RPRD1B: variants seen among roughly 807,000 people sequenced by gnomAD.
The protein encoded by RPRD1B is regulation of nuclear pre-mRNA domain-containing protein 1B.
Under a neutral mutation model 41.5 loss-of-function variants are expected in RPRD1B, and 11 were observed. The ratio of observed to expected loss-of-function variants is 0.27; its 90% CI spans 0.17 to 0.44. The LOEUF (loss-of-function observed/expected upper bound fraction) is 0.44, where lower values mean the gene tolerates loss of function less well. Among genes scored for constraint, RPRD1B ranks in the 20% least tolerant of loss-of-function variants. The pLI, the probability that RPRD1B is intolerant of heterozygous loss-of-function variation, is 1.00. For missense variants in RPRD1B, 248 were observed against 389.9 expected, an observed-to-expected ratio of 0.64 and a Z score of 3.06; for synonymous variants, 158 against 155.6, an observed-to-expected ratio of 1.02 and a Z score of -0.12.
chr20:38,050,761 A>T (rs1206619029), intron 3 of RPRD1B, among the ~76,000 whole-genome samples: 1 of 152,202 alleles, frequency 6.6e-6, no homozygotes, highest in Non-Finnish European at 1.5e-5. Flanking sequence ...CATTAACAAT[A>T]ATAGAGGCAG....
intron 3 of RPRD1B, among the ~76,000 whole-genome samples, chr20:38,052,671 G>A (rs540574304): frequency 6.6e-6 from 1 of 151,744 alleles, no homozygotes; most frequent in African/African-American, 2.4e-5. Context: ...GAAGCAGTGG[G>A]AGTAGAGAAG....
intron 6 of RPRD1B, among the ~76,000 whole-genome samples, chr20:38,073,020 T>C (rs551822688): frequency 5.3e-5 from 8 of 152,360 alleles, no homozygotes; most frequent in Non-Finnish European, 1.2e-4. Context: ...GAGAGGTAGC[T>C]GCAGACCAGC....
intron 4 of RPRD1B, among the ~76,000 whole-genome samples, 170 bp downstream of exon 4, chr20:38,057,814 C>G (rs1027313141): frequency 2.6e-5 from 4 of 152,184 alleles, no homozygotes; most frequent in African/African-American, 7.2e-5. Flanking sequence ...TGGCAGGTGT[C>G]AGTATGTCTT....
At position 38,090,922 on chromosome 20, in the gene RPRD1B, T is replaced by TC; in HGVS notation, c.*1051dup. 2.0e-6 allele frequency: 2 copies of TC among 985,434 alleles called. No homozygotes were observed. The highest frequency in any genetic ancestry group is 2.4e-6 in the Non-Finnish European group (2 of 829,936). 61.0% of individuals were successfully genotyped at this position (985,434 alleles called of 1,614,324 possible). ...TGTCACGCCACTGCACAGGTCCTTG[T>TC]CCCCACACGACGGGGAGTACTTGCG... On this transcript the variant is annotated 3_prime_UTR_variant, in exon 7 of 7. Coordinates refer to ENST00000373433, the MANE Select transcript of RPRD1B (RefSeq NM_021215.4).
chr20:38,088,124 C>G (rs2074579140), intron 6 of RPRD1B, among the ~76,000 whole-genome samples: 1 of 152,200 alleles, frequency 6.6e-6, no homozygotes, highest in African/African-American at 2.4e-5. Context: ...GTGAGGAGCT[C>G]TCATTGCGGG....
At chr20:38,037,308 A>G (rs6022537) in intron 1 of RPRD1B, among the ~76,000 whole-genome samples, 41,769 of 152,090 alleles carry the variant, frequency 0.27, 7,903 homozygotes, top group African/African-American at 0.54. Flanking sequence ...TCCTAAATGA[A>G]TGTTTTTAAT....
At chr20:38,059,122 C>T (rs2074271763) in intron 4 of RPRD1B, among the ~76,000 whole-genome samples, 1 of 152,026 alleles carries the variant, frequency 6.6e-6, no homozygotes, top group Admixed American at 6.6e-5. Flanking sequence ...TTTGAATTGC[C>T]AAAAACATGT....
chr20:38,084,459 A>C (rs1409807725), intron 6 of RPRD1B, among the ~76,000 whole-genome samples: 2 of 152,172 alleles, frequency 1.3e-5, no homozygotes, highest in South Asian at 2.1e-4. Context: ...GTTGTTTCTT[A>C]GATGTGTTGC....
intron 6 of RPRD1B, among the ~76,000 whole-genome samples, chr20:38,072,500 T>A (rs1432511105): frequency 6.6e-6 from 1 of 152,222 alleles, no homozygotes; most frequent in East Asian, 1.9e-4. Flanking sequence ...TTAGGATCGC[T>A]TGCAATTCCC....
At chr20:38,061,862 C>T (rs1413170033) in intron 5 of RPRD1B, among the ~76,000 whole-genome samples, 1 of 152,074 alleles carries the variant, frequency 6.6e-6, no homozygotes, top group Non-Finnish European at 1.5e-5. Context: ...TGCCTCCTGA[C>T]CCCCCACCCC....
Position 38,048,435 on chromosome 20 carries a change from G to T in RPRD1B, c.369G>T (p.Gln123His). 1 of 1,613,786 alleles carries T rather than the reference G, an allele frequency of 6.2e-7. No individual in the cohort carries two copies. The highest frequency in any genetic ancestry group is 8.5e-7 in the Non-Finnish European group (1 of 1,179,724). Reference protein sequence around the residue: ...ERSVYGGEFIQQLKLSMEDSK... With the variant: ...ERSVYGGEFIHQLKLSMEDSK... The stretch of plus-strand genomic sequence containing the variant: ...GTGTGTATGGCGGCGAGTTCATACA[G>T]CAGCTGAAGCTGTCTATGGAGGACT... The change falls in exon 3 of 7, where the codon CAG becomes CAT. Residue 123 changes from glutamine (Q) to histidine (H), a missense_variant. Physicochemically the swap from Gln to His is conservative, Grantham distance 24. Coordinates refer to ENST00000373433, the MANE Select transcript of RPRD1B (RefSeq NM_021215.4).
At chr20:38,038,641 C>T (rs2074031588) in intron 1 of RPRD1B, among the ~76,000 whole-genome samples, 1 of 151,906 alleles carries the variant, frequency 6.6e-6, no homozygotes, top group Admixed American at 6.6e-5. Context: ...GGACTACAGG[C>T]GCCCGCCACC....
At chr20:38,038,552 A>C (rs550588249) in intron 1 of RPRD1B, among the ~76,000 whole-genome samples, 1 of 127,182 alleles carries the variant, frequency 7.9e-6, no homozygotes, top group African/African-American at 3.1e-5. Context: ...ACTGGAGTGC[A>C]GTGGTGTGAT....
At position 38,045,753 on chromosome 20, in the gene RPRD1B, CTTTCT is replaced by C. The variant is rs573724844; in HGVS notation, c.282-2591_282-2587del. Among the ~76,000 whole-genome samples the C allele has an allele frequency of 3.9e-5, 6 of 152,236 alleles. No individual in the cohort carries two copies. In the South Asian group the frequency reaches 1.2e-3, roughly 32 times the overall value. ...GAATTTATTCTCGAGACTGGTTTCTCTTTCTTTTAAGCGAACAGAGAATCTGCAGC... is the reference window on the plus strand; with the variant it reads ...GAATTTATTCTCGAGACTGGTTTCTCTTTAAGCGAACAGAGAATCTGCAGC... On this transcript the variant is annotated intron_variant, in intron 2 of 6. Coordinates refer to ENST00000373433, the MANE Select transcript of RPRD1B (RefSeq NM_021215.4).
Position 38,092,089 on chromosome 20 carries a change from TGGTG to T in RPRD1B, c.*2221_*2224del. 1 of 985,766 alleles carries T rather than the reference TGGTG, an allele frequency of 1.0e-6. No individual in the cohort carries two copies. The highest frequency in any genetic ancestry group is 1.2e-6 in the Non-Finnish European group (1 of 829,926). 61.1% of individuals were successfully genotyped at this position (985,766 alleles called of 1,614,324 possible). ...TCCTCCTTGTATGTATGAGGTGACT[TGGTG>T]GGTGGGGTGGGTGGTTTTTGTTTTT... On this transcript the variant is annotated 3_prime_UTR_variant, in exon 7 of 7. Transcript: ENST00000373433.
rs896846465 is a variant in RPRD1B at position 38,091,082 on chromosome 20, C to A, written c.*1207C>A. ...GTAGTTAGAGACAATTTTTATCTTG[C>A]TTATAGTAAAGGTTCAGCCTGCCAA... On this transcript the variant is annotated 3_prime_UTR_variant, in exon 7 of 7. Coordinates refer to ENST00000373433, the MANE Select transcript of RPRD1B (RefSeq NM_021215.4). 9 of 985,798 alleles carry A rather than the reference C, an allele frequency of 9.1e-6. No individual in the cohort carries two copies. Among genetic ancestry groups the A allele is most frequent in the Non-Finnish European group, 6.0e-6 (5 of 829,912 alleles). The allele number at this position is 985,798 out of a possible 1,614,324, so 61.1% of individuals were successfully genotyped here. A position where few individuals can be genotyped will look rare whatever the true frequency, so the allele number is the denominator to read the frequency against.
intron 6 of RPRD1B, among the ~76,000 whole-genome samples, chr20:38,081,436 AC>A (rs1474662384): frequency 2.0e-5 from 3 of 152,174 alleles, no homozygotes; most frequent in Non-Finnish European, 2.9e-5. Flanking sequence ...AGTTATCAGA[AC>A]TAGGAGCCTT....
At position 38,049,341 on chromosome 20, in the gene RPRD1B, A is replaced by C. The variant is rs193223582; in HGVS notation, c.415+860A>C. 4.2e-5 allele frequency among the ~76,000 whole-genome samples: 4 copies of C among 94,664 alleles called. No homozygotes were observed. In the East Asian group the frequency reaches 8.8e-4, roughly 21 times the overall value. 62.1% of individuals were successfully genotyped at this position (94,664 alleles called of 152,430 possible). On this transcript the variant is annotated intron_variant, in intron 3 of 6. Transcript: ENST00000373433. The stretch of plus-strand genomic sequence containing the variant: ...AAAGCCCTTAATAAGAGCTTATATT[A>C]TTTTTTCTTTTTTCTTTCTTTTTTT...
At chr20:38,042,970 G>A (rs6022599) in intron 2 of RPRD1B, among the ~76,000 whole-genome samples, 2,685 of 152,306 alleles carry the variant, frequency 0.018, 72 homozygotes, top group African/African-American at 0.058. Flanking sequence ...TCATACAAGT[G>A]CCTTGTTTTC....
Sources: gnomAD v4.1 joint callset for allele counts (sites outside exome capture counted in the v4.1 genomes callset) on GRCh38, gnomAD v4.1.1 for gene constraint, MANE v1.5 for transcripts, NCBI Gene and HGNC (gene_info 2026-07-23, HGNC 2026-07-21) for gene names.